ANXA7: variants seen among roughly 807,000 people sequenced by gnomAD.
ANXA7 encodes annexin VII.
A neutral mutation model predicts 64.9 loss-of-function variants in ANXA7; 55 were observed. That is an observed-to-expected ratio of 0.85 (90% CI 0.68 to 1.06). ANXA7 has a LOEUF of 1.06. Ranked by LOEUF, ANXA7 falls within the 50% of genes least tolerant of loss-of-function variation. The pLI, the probability that ANXA7 is intolerant of heterozygous loss-of-function variation, is 0.00. For synonymous variants in ANXA7, 200 were observed against 192.4 expected, an observed-to-expected ratio of 1.04 and a Z score of -0.33; for missense variants, 548 against 582.1, an observed-to-expected ratio of 0.94 and a Z score of 0.60.
intron 7 of ANXA7, among the ~76,000 whole-genome samples, chr10:73,386,645 G>A (rs548318804): frequency 7.2e-5 from 11 of 152,230 alleles, no homozygotes; most frequent in African/African-American, 2.4e-4. Flanking sequence ...AGATCATGGC[G>A]TGTACAGAGA....
intron 9 of ANXA7, among the ~76,000 whole-genome samples, chr10:73,382,644 C>T (rs2055293794): frequency 6.6e-6 from 1 of 152,178 alleles, no homozygotes; most frequent in Non-Finnish European, 1.5e-5. Context: ...CAATGTCTGG[C>T]CCTAAGTGTG....
Position 73,377,773 on chromosome 10 carries a change from G to GGGGTGTGTGTGTGTGTGT in ANXA7, c.1278+1137_1278+1138insACACACACACACACACCC, listed in dbSNP as rs1554815379. On this transcript the variant is annotated intron_variant, in intron 12 of 12. Transcript: ENST00000372921. ...ACTACCATGCCGGGGGGTGGGTGTGGGTGTGTGTGTGTGTGTGTGTGTGTG... is the reference window on the plus strand; with the variant it reads ...ACTACCATGCCGGGGGGTGGGTGTGGGGGTGTGTGTGTGTGTGTGTGTGTGTGTGTGTGTGTGTGTGTG... Among the ~76,000 whole-genome samples the GGGGTGTGTGTGTGTGTGT allele has an allele frequency of 1.7e-3, 217 of 124,838 alleles. 10 individuals are homozygous for GGGGTGTGTGTGTGTGTGT. The highest frequency in any genetic ancestry group is 6.6e-3 in the African/African-American group (206 of 31,112). The allele number at this position is 124,838 out of a possible 152,430, so 81.9% of individuals were successfully genotyped here.
intron 1 of ANXA7, among the ~76,000 whole-genome samples, chr10:73,413,064 T>C (rs962147824): frequency 1.3e-5 from 2 of 152,028 alleles, no homozygotes; most frequent in African/African-American, 4.8e-5. Context: ...CTAGGTATGG[T>C]AGGATCATTT....
chr10:73,409,779 A>G (rs962280710), intron 1 of ANXA7, among the ~76,000 whole-genome samples: 1 of 152,240 alleles, frequency 6.6e-6, no homozygotes, highest in African/African-American at 2.4e-5. Context: ...ACAAGCCTAT[A>G]GCTACCACAA....
chr10:73,393,052 C>A (rs2055512107), intron 5 of ANXA7, among the ~76,000 whole-genome samples: 1 of 152,138 alleles, frequency 6.6e-6, no homozygotes, highest in African/African-American at 2.4e-5. Context: ...TTCCTATACA[C>A]CAATAACAGA....
intron 7 of ANXA7, among the ~76,000 whole-genome samples, chr10:73,386,412 G>C (rs1353726403): frequency 2.0e-5 from 3 of 151,980 alleles, no homozygotes; most frequent in Non-Finnish European, 4.4e-5. Flanking sequence ...TTGTCCTATG[G>C]GAGCTCAGTT....
rs778582658 is a variant in ANXA7, at chr10:73,387,706, T to TA, written c.615dup (p.Lys206Ter). On this transcript the variant is annotated frameshift_variant, in exon 7 of 13. Transcript: ENST00000372921. LOFTEE classifies it high-confidence loss of function. ...AAACATACCTTGCCATAGGAGGTCTTAAATGCTGCTTTAATTTTTTGCCTC... is the reference window on the plus strand; with the variant it reads ...AAACATACCTTGCCATAGGAGGTCTTAAAATGCTGCTTTAATTTTTTGCCTC... 3.1e-6 allele frequency: 5 copies of TA among 1,614,074 alleles called. No homozygotes were observed. Among genetic ancestry groups the TA allele is most frequent in the Non-Finnish European group, 4.2e-6 (5 of 1,179,944 alleles).
At chr10:73,406,849 G>A (rs2055765264) in intron 1 of ANXA7, among the ~76,000 whole-genome samples, 1 of 152,080 alleles carries the variant, frequency 6.6e-6, no homozygotes, top group Non-Finnish European at 1.5e-5. Flanking sequence ...AGGATTACAG[G>A]CATGAGCCAC....
chr10:73,411,208 C>T (rs768929351), intron 1 of ANXA7, among the ~76,000 whole-genome samples: 2 of 152,146 alleles, frequency 1.3e-5, no homozygotes, highest in East Asian at 1.9e-4. Flanking sequence ...AACCAAAAGC[C>T]GTATGTTCTC....
intron 12 of ANXA7, among the ~76,000 whole-genome samples, chr10:73,376,785 A>C (rs1446208046): frequency 1.3e-5 from 2 of 152,156 alleles, no homozygotes; most frequent in Admixed American, 6.5e-5. Flanking sequence ...TAAAAAAAAA[A>C]CCAAAAGGTG....
chr10:73,388,522 G>T, intron 5 of ANXA7, 108 bp from the exon 6 acceptor site: 2 of 802,684 alleles, frequency 2.5e-6, no homozygotes, highest in South Asian at 1.6e-5. Flanking sequence ...GCCAATGTTT[G>T]GGTTTTAAGG....
chr10:73,397,096 T>C, intron 4 of ANXA7, 68 bp downstream of exon 4: 2 of 677,790 alleles, frequency 3.0e-6, no homozygotes, highest in Non-Finnish European at 4.6e-6. Flanking sequence ...TAAACTAAGT[T>C]CCCTCAATGG....
intron 2 of ANXA7, among the ~76,000 whole-genome samples, chr10:73,399,921 C>G (rs894180571): frequency 6.6e-6 from 1 of 151,990 alleles, no homozygotes; most frequent in Admixed American, 6.6e-5. Flanking sequence ...GAGGGCAGAT[C>G]ATTTGAGGTC....
At chr10:73,403,786 CATCT>C (rs1244703857) in intron 1 of ANXA7, among the ~76,000 whole-genome samples, 2 of 152,234 alleles carry the variant, frequency 1.3e-5, no homozygotes, top group African/African-American at 2.4e-5. Flanking sequence ...CAGAATTTTC[CATCT>C]AACATCCTGG....
chr10:73,385,882 T>C (rs1386642898), intron 7 of ANXA7, among the ~76,000 whole-genome samples: 1 of 152,082 alleles, frequency 6.6e-6, no homozygotes, highest in Non-Finnish European at 1.5e-5. Context: ...ATAAACTAGA[T>C]GCAGAGAACA....
intron 6 of ANXA7, 26 bp downstream of exon 6, chr10:73,388,286 A>T: frequency 6.4e-7 from 1 of 1,566,192 alleles, no homozygotes; most frequent in Non-Finnish European, 8.8e-7. Context: ...AACTTATTAA[A>T]AAAGACAAAA....
chr10:73,413,129 G>A (rs1391653537), intron 1 of ANXA7, among the ~76,000 whole-genome samples: 1 of 152,120 alleles, frequency 6.6e-6, no homozygotes, highest in Non-Finnish European at 1.5e-5. Context: ...TCCTCTGCAC[G>A]GACAGGTAGG....
chr10:73,400,417 T>C (rs1162721928), intron 2 of ANXA7, among the ~76,000 whole-genome samples: 1 of 152,210 alleles, frequency 6.6e-6, no homozygotes, highest in Non-Finnish European at 1.5e-5. Context: ...CAGTGATTCA[T>C]GGGATGGATT....
Position 73,388,439 on chromosome 10 carries a change from G to A in ANXA7, c.436-25C>T, listed in dbSNP as rs184346904. ...GCTGAAAATAAAAGGCATAAAATCC[G>A]TGTCAGCATTTCCAGTAAGTTTCTA... On this transcript the variant is annotated intron_variant, in intron 5 of 12. Coordinates refer to ENST00000372921, the MANE Select transcript of ANXA7 (RefSeq NM_001156.5). 162 of 1,554,940 alleles carry A rather than the reference G, an allele frequency of 1.0e-4. 1 individual carries two copies. The African/African-American group carries it at 1.7e-3, about 16-fold the overall frequency.
Sources: gnomAD v4.1 joint callset for allele counts (sites outside exome capture counted in the v4.1 genomes callset) on GRCh38, gnomAD v4.1.1 for gene constraint, MANE v1.5 for transcripts, NCBI Gene and HGNC (gene_info 2026-07-23, HGNC 2026-07-21) for gene names.